RUFY1: variants seen among roughly 807,000 people sequenced by gnomAD.
RUFY1 encodes the protein RUN and FYVE domain-containing protein 1.
A neutral mutation model predicts 94.6 loss-of-function variants in RUFY1; 54 were observed. That is an observed-to-expected ratio of 0.57 (90% CI 0.46 to 0.72). The LOEUF is 0.72. RUFY1 is among the 30% of genes least tolerant of loss of function. The pLI, the probability that RUFY1 is intolerant of heterozygous loss-of-function variation, is 0.00. For missense variants in RUFY1, 883 were observed against 883.9 expected (o/e 1.00, Z 0.01); for synonymous variants, 396 against 347.3 (o/e 1.14, Z -1.56).
intron 5 of RUFY1, 134 bp downstream of exon 5, chr5:179,569,559 G>C: frequency 1.2e-6 from 1 of 857,520 alleles, no homozygotes; most frequent in Non-Finnish European, 1.9e-6. Flanking sequence ...CAGGGATGCA[G>C]CTGGGGAAGG....
intron 5 of RUFY1, 86 bp downstream of exon 5, chr5:179,569,511 G>A: frequency 7.1e-7 from 1 of 1,408,724 alleles, no homozygotes; most frequent in Non-Finnish European, 1.0e-6. Context: ...TGAACCCAAA[G>A]AAGGGCAAAT....
At chr5:179,595,343 A>G (rs1225915956) in intron 12 of RUFY1, among the ~76,000 whole-genome samples, 2 of 152,168 alleles carry the variant, frequency 1.3e-5, no homozygotes, top group African/African-American at 4.8e-5. Context: ...GTGGGCAACA[A>G]GAAAGAAACT....
intron 6 of RUFY1, among the ~76,000 whole-genome samples, chr5:179,579,735 C>T (rs747112184): frequency 7.5e-6 from 1 of 132,606 alleles, no homozygotes; most frequent in Non-Finnish European, 1.6e-5. Flanking sequence ...ACAATCTTGG[C>T]TCACTGCAAC....
At position 179,596,549 on chromosome 5, in the gene RUFY1, G is replaced by A. The variant is rs773157964; in HGVS notation, c.1512-13G>A. The A allele has an allele frequency of 5.0e-6, 8 of 1,613,718 alleles. No individual in the cohort carries two copies. The highest frequency in any genetic ancestry group is 6.8e-6 in the Non-Finnish European group (8 of 1,179,990). On this transcript the variant is annotated splice_polypyrimidine_tract_variant and intron_variant, in intron 12 of 17. Transcript: ENST00000319449. ...ATTTGCTTCATTTGCACTCTTGCTG[G>A]TGTCGCATCCAGGTTGCAGCACTCG... is the stretch of plus-strand genomic sequence containing the variant.
chr5:179,580,765 A>G (rs908820668), intron 6 of RUFY1, among the ~76,000 whole-genome samples, 182 bp from the exon 7 acceptor site: 3 of 151,990 alleles, frequency 2.0e-5, no homozygotes, highest in Admixed American at 1.3e-4. Context: ...GACGCTGACT[A>G]CTGTGACCCA....
intron 3 of RUFY1, among the ~76,000 whole-genome samples, chr5:179,565,545 T>A (rs1036197591): frequency 1.3e-5 from 2 of 152,200 alleles, no homozygotes; most frequent in African/African-American, 4.8e-5. Context: ...TTAAAGTGCA[T>A]ATACTGTTTT....
At chr5:179,602,038 C>A in intron 15 of RUFY1, 52 bp downstream of exon 15, 1 of 1,435,896 alleles carries the variant, frequency 7.0e-7, no homozygotes, top group Non-Finnish European at 9.8e-7. Context: ...AGGCTACCCA[C>A]CACATCCCTC....
intron 3 of RUFY1, among the ~76,000 whole-genome samples, chr5:179,563,132 A>G: frequency 6.6e-6 from 1 of 152,156 alleles, no homozygotes; most frequent in East Asian, 1.9e-4. Flanking sequence ...CAGAACACAA[A>G]TAAGTCATCT....
At chr5:179,574,299 G>A (rs930576011) in intron 5 of RUFY1, among the ~76,000 whole-genome samples, 9 of 152,146 alleles carry the variant, frequency 5.9e-5, no homozygotes, top group Admixed American at 5.9e-4. Context: ...GGAGGCTGAG[G>A]CAGGAGAATC....
intron 4 of RUFY1, among the ~76,000 whole-genome samples, chr5:179,568,823 C>T (rs1763019658): frequency 6.6e-6 from 1 of 152,142 alleles, no homozygotes; most frequent in African/African-American, 2.4e-5. Flanking sequence ...AGGGGATGGA[C>T]CACCCCCTGC....
At chr5:179,550,951 GGGCCGGGCTGGGAGGGCACT>G in intron 1 of RUFY1, 72 bp downstream of exon 1, 3 of 1,007,926 alleles carry the variant, frequency 3.0e-6, no homozygotes, top group Non-Finnish European at 3.6e-6. Flanking sequence ...GGCGCGGTGG[GGGCCGGGCTGGGAGGGCACT>G]GGCCGTTCCG....
chr5:179,560,177 T>A lies in RUFY1; in HGVS notation c.463T>A (p.Cys155Ser), dbSNP rs1239865651. Residue 155 changes from cysteine (C) to serine (S), a missense_variant, in exon 2 of 18, where the codon TGC becomes AGC. Transcript: ENST00000319449. ...GCAGTTCTTTGTAGTGATGGAGCAC[T>A]GCCTCAAACATGGGCTGAAAGGTGA... ...LQQFFVVMEH[C>S]LKHGLKVKKS... The A allele has an allele frequency of 6.2e-7, 1 of 1,613,920 alleles. No homozygotes were observed. The highest frequency in any genetic ancestry group is 2.2e-5 in the East Asian group (1 of 44,882).
chr5:179,590,125 G>A (rs1025165688), intron 9 of RUFY1, among the ~76,000 whole-genome samples: 5 of 152,138 alleles, frequency 3.3e-5, no homozygotes, highest in South Asian at 2.1e-4. Context: ...AGGCCGAGGC[G>A]GGCGGATCAC....
At chr5:179,608,311 A>G in intron 17 of RUFY1, 1 of 985,672 alleles carries the variant, frequency 1.0e-6, no homozygotes, top group South Asian at 4.7e-5. Context: ...AGAGGAAGCC[A>G]CAGCTACCCC....
At chr5:179,591,215 T>C (rs1006790689) in intron 9 of RUFY1, among the ~76,000 whole-genome samples, 5 of 151,724 alleles carry the variant, frequency 3.3e-5, no homozygotes, top group East Asian at 2.0e-4. Context: ...GATGGAGTCT[T>C]GCCCTGTCGC....
At chr5:179,593,791 C>A (rs1360350772) in intron 11 of RUFY1, 146 bp downstream of exon 11, 5 of 1,309,894 alleles carry the variant, frequency 3.8e-6, no homozygotes, top group Non-Finnish European at 5.1e-6. Context: ...TGATTTTGAT[C>A]CTCATGGCAG....
At chr5:179,552,241 G>C (rs1046052571) in intron 1 of RUFY1, among the ~76,000 whole-genome samples, 3 of 151,502 alleles carry the variant, frequency 2.0e-5, no homozygotes, top group African/African-American at 7.3e-5. Flanking sequence ...CCTGTGTGTG[G>C]CCAGTGGCTA....
chr5:179,593,201 G>T (rs901540737), intron 10 of RUFY1, among the ~76,000 whole-genome samples: 3 of 152,112 alleles, frequency 2.0e-5, no homozygotes, highest in Admixed American at 2.0e-4. Context: ...TCAGCCTCCT[G>T]AGAGTAGCTG....
intron 13 of RUFY1, 91 bp downstream of exon 13, chr5:179,596,772 C>T (rs967750174): frequency 8.0e-5 from 7 of 87,036 alleles, no homozygotes; most frequent in East Asian, 3.4e-4. Flanking sequence ...TCAGCACGAA[C>T]GGGAGGAGGG....
Sources: gnomAD v4.1 joint callset for allele counts (sites outside exome capture counted in the v4.1 genomes callset) on GRCh38, gnomAD v4.1.1 for gene constraint, MANE v1.5 for transcripts, NCBI Gene and HGNC (gene_info 2026-07-23, HGNC 2026-07-21) for gene names.